The following ELL variants were observed in gnomAD, a reference collection of about 807,000 sequenced individuals.
ELL encodes the protein RNA polymerase II elongation factor ELL.
A neutral mutation model predicts 64.0 loss-of-function variants in ELL; 18 were observed. That is an observed-to-expected ratio of 0.28 (90% CI 0.19 to 0.42). The LOEUF (loss-of-function observed/expected upper bound fraction) is 0.42, where lower values mean the gene tolerates loss of function less well. Ranked by LOEUF, ELL falls within the 10% of genes least tolerant of loss-of-function variation. The pLI is 1.00. For synonymous variants in ELL, 399 were observed against 376.2 expected (o/e 1.06, Z -0.70); for missense variants, 797 against 870.4 (o/e 0.92, Z 1.06).
chr19:18,443,311 G>A lies in ELL; in HGVS notation c.*1441C>T, dbSNP rs1974333426. On this transcript the variant is annotated 3_prime_UTR_variant, in exon 12 of 12. Transcript: ENST00000262809. ...AAAGGAGAGAGACTCTCGGGCAGGG[G>A]TGGGATACACTGTGGGCCCTCCACA... 1 of 233,232 alleles carries A rather than the reference G, an allele frequency of 4.3e-6. No individual in the cohort carries two copies. Among genetic ancestry groups the A allele is most frequent in the African/African-American group, 2.2e-5 (1 of 45,328 alleles). The allele number at this position is 233,232 out of a possible 1,614,324, so 14.4% of individuals were successfully genotyped here.
intron 1 of ELL, among the ~76,000 whole-genome samples, chr19:18,494,758 A>AC (rs1052190226): frequency 2.0e-5 from 3 of 151,626 alleles, no homozygotes; most frequent in Non-Finnish European, 4.4e-5. Context: ...CTGATGACAG[A>AC]CCCCACTGTC....
At chr19:18,454,262 G>A (rs1974604841) in intron 6 of ELL, among the ~76,000 whole-genome samples, 1 of 152,122 alleles carries the variant, frequency 6.6e-6, no homozygotes, top group Non-Finnish European at 1.5e-5. Context: ...CACTTTGGGA[G>A]GCCGAGGCAG....
At chr19:18,508,983 T>C in intron 1 of ELL, among the ~76,000 whole-genome samples, 1 of 152,154 alleles carries the variant, frequency 6.6e-6, no homozygotes, top group East Asian at 1.9e-4. Context: ...GCAGTGACCC[T>C]GGGCAGAGCC....
At chr19:18,514,087 G>A (rs1264063084) in intron 1 of ELL, among the ~76,000 whole-genome samples, 1 of 152,154 alleles carries the variant, frequency 6.6e-6, no homozygotes, top group Admixed American at 6.5e-5. Flanking sequence ...CAGCCCTGGA[G>A]GATATAATTA....
At chr19:18,448,087 A>ATTT (rs74412361) in intron 8 of ELL, among the ~76,000 whole-genome samples, 1 of 141,662 alleles carries the variant, frequency 7.1e-6, no homozygotes, top group African/African-American at 2.6e-5. Flanking sequence ...CACCTGGCGA[A>ATTT]TTTTTTTTTT....
chr19:18,446,190 G>A (rs1194908307), intron 10 of ELL, 119 bp downstream of exon 10: 13 of 1,253,278 alleles, frequency 1.0e-5, no homozygotes, highest in African/African-American at 3.1e-5. Context: ...GGGGAGAAGC[G>A]CTGCCTGGGG....
intron 1 of ELL, among the ~76,000 whole-genome samples, chr19:18,482,307 CCTTTTTTTTT>C (rs1459210984): frequency 0.019 from 1,526 of 79,022 alleles, 39 homozygotes; most frequent in African/African-American, 0.12. Context: ...TCTTTTCATT[CCTTTTTTTTT>C]TTTTTTTTTT....
In ELL at chr19:18,444,582, G is replaced by C. The variant is rs752669204; in HGVS notation, c.*170C>G. On this transcript the variant is annotated 3_prime_UTR_variant, in exon 12 of 12. Coordinates refer to ENST00000262809, the MANE Select transcript of ELL (RefSeq NM_006532.4). ...GCTCAGGAAGCGCAGGGAGGGCCGA[G>C]GTGGGCTTGCAGCCACCCGCCAGGG... is the stretch of plus-strand genomic sequence containing the variant. The C allele has an allele frequency of 2.0e-5, 13 of 643,352 alleles. No individual in the cohort carries two copies. Among genetic ancestry groups the C allele is most frequent in the Admixed American group, 3.2e-5 (1 of 30,978 alleles). The allele number at this position is 643,352 out of a possible 1,614,324, so 39.9% of individuals were successfully genotyped here. A position where few individuals can be genotyped will look rare whatever the true frequency, so the allele number is the denominator to read the frequency against.
rs562297412 is a variant in ELL at position 18,456,261 on chromosome 19, G to A, written c.869+1944C>T. On this transcript the variant is annotated intron_variant, in intron 6 of 11. Coordinates refer to ENST00000262809, the MANE Select transcript of ELL (RefSeq NM_006532.4). The stretch of plus-strand genomic sequence containing the variant: ...GGCAAGTTTTCAGCCTGCGGGGGCC[G>A]TGGTGCCCACCATCCCAGAGTAGGT... Among the ~76,000 whole-genome samples the A allele has an allele frequency of 2.6e-4, 39 of 152,370 alleles. 1 individual carries two copies. Among genetic ancestry groups the A allele is most frequent in the Admixed American group, 1.3e-4 (2 of 15,306 alleles).
rs769937636 is a variant in ELL, at chr19:18,522,036, T to C, written c.20A>G (p.Asp7Gly). 3.6e-5 allele frequency: 58 copies of C among 1,606,338 alleles called. No individual in the cohort carries two copies. Among genetic ancestry groups the C allele is most frequent in the Middle Eastern group, 1.7e-4 (1 of 6,050 alleles). ...CCCGCACGACAGCCCGTAGCTCCTA[T>C]CCTCCTTCAGCGCCGCCATCTTGCG... MAALKE[D>G]RSYGLSCGRV... The change falls in exon 1 of 12, where the codon GAT (aspartate) becomes GGT (glycine). Residue 7 changes from aspartate (D) to glycine (G), a missense_variant. Physicochemically the swap from Asp to Gly is moderately conservative, Grantham distance 94. Transcript: ENST00000262809.
intron 1 of ELL, among the ~76,000 whole-genome samples, chr19:18,484,459 A>C (rs1975369792): frequency 6.6e-6 from 1 of 152,044 alleles, no homozygotes; most frequent in African/African-American, 2.4e-5. Flanking sequence ...AGTGAGACTC[A>C]GTCTCAAGAA....
chr19:18,453,232 C>T (rs1213479229), intron 6 of ELL, among the ~76,000 whole-genome samples: 1 of 152,214 alleles, frequency 6.6e-6, no homozygotes, highest in African/African-American at 2.4e-5. Context: ...AGAGATCATG[C>T]CATTGCACTC....
rs567899985 is a variant in ELL at position 18,464,521 on chromosome 19, C to A, written c.469+891G>T. On this transcript the variant is annotated intron_variant, in intron 4 of 11. Coordinates refer to ENST00000262809, the MANE Select transcript of ELL (RefSeq NM_006532.4). ...ATGTCCACCCGGACTCAGTGTTGAC[C>A]AGGAAGACCAACCCCTGCACCCACA... Among the ~76,000 whole-genome samples, 4 of 152,298 alleles carry A rather than the reference C, an allele frequency of 2.6e-5. No individual in the cohort carries two copies. In the East Asian group the frequency reaches 7.7e-4, roughly 29 times the overall value.
chr19:18,518,449 C>T (rs1016904813), intron 1 of ELL, among the ~76,000 whole-genome samples: 77 of 149,098 alleles, frequency 5.2e-4, no homozygotes, highest in Middle Eastern at 3.5e-3. Flanking sequence ...ATGATCATGC[C>T]ATTGCACTCC....
intron 6 of ELL, among the ~76,000 whole-genome samples, chr19:18,456,222 G>A (rs183884501): frequency 7.8e-4 from 119 of 152,338 alleles, no homozygotes; most frequent in African/African-American, 2.5e-3. Flanking sequence ...ACAGAAGGAC[G>A]GATAGACGGA....
At chr19:18,502,906 G>A (rs1023723587) in intron 1 of ELL, among the ~76,000 whole-genome samples, 2 of 152,230 alleles carry the variant, frequency 1.3e-5, no homozygotes, top group Non-Finnish European at 2.9e-5. Context: ...CCAATGCCCA[G>A]CAGAGCTTCG....
chr19:18,512,833 A>C (rs1976054337), intron 1 of ELL, among the ~76,000 whole-genome samples: 1 of 152,172 alleles, frequency 6.6e-6, no homozygotes. Context: ...CTGGAGCCCC[A>C]AATTGTCAGT....
chr19:18,489,747 G>A (rs959484402), intron 1 of ELL, among the ~76,000 whole-genome samples: 2 of 152,070 alleles, frequency 1.3e-5, no homozygotes, highest in African/African-American at 2.4e-5. Flanking sequence ...CCCCCAAGGC[G>A]TCATCAGAGA....
At chr19:18,471,193 T>G (rs867161851) in intron 2 of ELL, among the ~76,000 whole-genome samples, 1 of 152,028 alleles carries the variant, frequency 6.6e-6, no homozygotes, top group Non-Finnish European at 1.5e-5. Context: ...GACAACATAA[T>G]GAGACTCCGT....
Sources: gnomAD v4.1 joint callset for allele counts (sites outside exome capture counted in the v4.1 genomes callset) on GRCh38, gnomAD v4.1.1 for gene constraint, MANE v1.5 for transcripts, NCBI Gene and HGNC (gene_info 2026-07-23, HGNC 2026-07-21) for gene names.